PCDH7: variants seen among roughly 807,000 people sequenced by gnomAD.
The protein encoded by PCDH7 is protocadherin-7.
A neutral mutation model predicts 58.9 loss-of-function variants in PCDH7; 17 were observed. That is an observed-to-expected ratio of 0.29 (90% CI 0.20 to 0.43). The LOEUF is 0.43. PCDH7 is among the 20% of genes least tolerant of loss of function. The probability of loss-of-function intolerance (pLI) is 1.00; values close to 1 mark genes in which losing one functional copy is unlikely to be tolerated. For missense variants in PCDH7, 1,274 were observed against 1,441.0 expected (o/e 0.88, Z 1.88); for synonymous variants, 664 against 616.4 (o/e 1.08, Z -1.14).
intron 1 of PCDH7, among the ~76,000 whole-genome samples, chr4:30,895,725 A>G (rs1739320051): frequency 6.6e-6 from 1 of 152,086 alleles, no homozygotes; most frequent in Non-Finnish European, 1.5e-5. Flanking sequence ...CACTGATGCC[A>G]GTTGCTAGCA....
At chr4:30,831,896 T>C (rs1448353092) in intron 1 of PCDH7, among the ~76,000 whole-genome samples, 2 of 152,182 alleles carry the variant, frequency 1.3e-5, no homozygotes, top group Admixed American at 1.3e-4. Flanking sequence ...GTCTCTAATA[T>C]TAAAGTAGCA....
intron 3 of PCDH7, among the ~76,000 whole-genome samples, chr4:31,082,991 C>T (rs1711770570): frequency 6.6e-6 from 1 of 152,072 alleles, no homozygotes; most frequent in Non-Finnish European, 1.5e-5. Flanking sequence ...ACCTGTAGTC[C>T]CAGCTACTCG....
intron 3 of PCDH7, among the ~76,000 whole-genome samples, chr4:31,119,583 T>C (rs1272217529): frequency 2.0e-5 from 3 of 152,062 alleles, no homozygotes; most frequent in African/African-American, 4.8e-5. Flanking sequence ...AAGAAAAGTA[T>C]ACTTGAAAGA....
chr4:30,985,496 G>A (rs1750893451), intron 3 of PCDH7, among the ~76,000 whole-genome samples: 1 of 152,022 alleles, frequency 6.6e-6, no homozygotes, highest in Non-Finnish European at 1.5e-5. Flanking sequence ...AATGGCTTAG[G>A]TTTCAGTGGT....
At chr4:30,915,270 T>G (rs1012740591) in intron 1 of PCDH7, among the ~76,000 whole-genome samples, 4 of 152,286 alleles carry the variant, frequency 2.6e-5, no homozygotes, top group South Asian at 2.1e-4. Flanking sequence ...ATTCCCACTT[T>G]CTCTATTTCT....
At chr4:30,971,432 C>T (rs1460865921) in intron 3 of PCDH7, among the ~76,000 whole-genome samples, 1 of 152,138 alleles carries the variant, frequency 6.6e-6, no homozygotes, top group Non-Finnish European at 1.5e-5. Flanking sequence ...GCTAAAATGT[C>T]CCAGGTAATG....
downstream of PCDH7, chr4:31,143,546 A>G (rs1179104719): frequency 6.6e-6 from 1 of 152,218 alleles, no homozygotes; most frequent in Non-Finnish European, 1.5e-5. Flanking sequence ...CTTCAATTCC[A>G]TACATTCACC....
chr4:31,125,514 T>A (rs1000129707), intron 3 of PCDH7, among the ~76,000 whole-genome samples: 1 of 152,208 alleles, frequency 6.6e-6, no homozygotes, highest in Non-Finnish European at 1.5e-5. Context: ...ATATGATGGT[T>A]TGGCATATGA....
intron 3 of PCDH7, among the ~76,000 whole-genome samples, chr4:30,976,576 T>C (rs189303386): frequency 6.6e-6 from 1 of 151,602 alleles, no homozygotes; most frequent in East Asian, 1.9e-4. Context: ...AATTTTTGTA[T>C]TTTTAGTAGA....
chr4:31,062,002 A>G (rs1416662515), intron 3 of PCDH7, among the ~76,000 whole-genome samples: 1 of 151,722 alleles, frequency 6.6e-6, no homozygotes, highest in Non-Finnish European at 1.5e-5. Context: ...CGGAAAGCAA[A>G]TGGAAGTAGA....
chr4:31,002,741 T>C (rs1357358734), intron 3 of PCDH7, among the ~76,000 whole-genome samples: 1 of 152,208 alleles, frequency 6.6e-6, no homozygotes, highest in Non-Finnish European at 1.5e-5. Context: ...AATAGAAAAA[T>C]TAAGGGGAAG....
intron 1 of PCDH7, among the ~76,000 whole-genome samples, chr4:30,912,443 A>G (rs1187885667): frequency 6.6e-6 from 1 of 152,160 alleles, no homozygotes; most frequent in African/African-American, 2.4e-5. Flanking sequence ...TGACTGTTTC[A>G]GTGCTTTTTG....
chr4:30,742,176 AT>A (rs891253067), intron 1 of PCDH7, among the ~76,000 whole-genome samples: 11 of 151,608 alleles, frequency 7.3e-5, no homozygotes, highest in East Asian at 1.9e-4. Flanking sequence ...TTGATTTTTG[AT>A]TTTTTTTTGT....
At chr4:30,752,877 A>G in intron 1 of PCDH7, among the ~76,000 whole-genome samples, 1 of 152,006 alleles carries the variant, frequency 6.6e-6, no homozygotes. Context: ...TCAGCCCCAC[A>G]TATACTGTAG....
intron 3 of PCDH7, among the ~76,000 whole-genome samples, chr4:30,968,376 CTATATATATATATAT>C (rs1749220010): frequency 1.5e-5 from 1 of 67,066 alleles, no homozygotes; most frequent in African/African-American, 7.0e-5. Context: ...TATACACACA[CTATATATATATATAT>C]ATATATATAT....
chr4:30,809,246 T>C (rs1321838444), intron 1 of PCDH7, among the ~76,000 whole-genome samples: 1 of 152,214 alleles, frequency 6.6e-6, no homozygotes, highest in African/African-American at 2.4e-5. Flanking sequence ...ATCAATCATC[T>C]GGATAGCATT....
chr4:31,107,594 C>T (rs1240683753), intron 3 of PCDH7, among the ~76,000 whole-genome samples: 1 of 152,134 alleles, frequency 6.6e-6, no homozygotes, highest in Admixed American at 6.5e-5. Context: ...AGTCAGGTAC[C>T]ACTGAGTTAG....
At chr4:31,084,718 G>C (rs1578753789) in intron 3 of PCDH7, among the ~76,000 whole-genome samples, 1 of 103,662 alleles carries the variant, frequency 9.6e-6, no homozygotes, top group Admixed American at 9.8e-5. Flanking sequence ...GAGGAGGGGA[G>C]GGGAGAAGAG....
chr4:31,074,784 C>CAAA (rs1157267696), intron 3 of PCDH7, among the ~76,000 whole-genome samples: 1,052 of 52,142 alleles, frequency 0.02, 59 homozygotes, highest in Non-Finnish European at 0.022. Flanking sequence ...GATTCCGTCT[C>CAAA]AAAAAAAAAA....
Sources: allele counts gnomAD v4.1 joint callset (sites outside exome capture counted in the v4.1 genomes callset), GRCh38; gene constraint gnomAD v4.1.1; transcripts MANE v1.5; gene names NCBI Gene and HGNC (gene_info 2026-07-23, HGNC 2026-07-21).